CDH18: variants seen among roughly 807,000 people sequenced by gnomAD.
CDH18 encodes the protein cadherin-18.
CDH18 carries 31 observed loss-of-function variants against 67.9 expected under a neutral mutation model. That is an observed-to-expected ratio of 0.46 (90% CI 0.34 to 0.62). The LOEUF is 0.62. CDH18 is among the 20% of genes least tolerant of loss of function. CDH18 has a pLI of 0.01. For synonymous variants in CDH18, 362 were observed against 347.2 expected, an observed-to-expected ratio of 1.04 and a Z score of -0.48; for missense variants, 890 against 975.5, an observed-to-expected ratio of 0.91 and a Z score of 1.17.
At chr5:20,202,262 A>T (rs1440159473) in intron 2 of CDH18, among the ~76,000 whole-genome samples, 1 of 152,112 alleles carries the variant, frequency 6.6e-6, no homozygotes, top group East Asian at 1.9e-4. Flanking sequence ...TTACTTTTAG[A>T]TTATTTAGAA....
intron 4 of CDH18, among the ~76,000 whole-genome samples, chr5:19,739,876 T>C (rs1768871647): frequency 6.6e-6 from 1 of 152,062 alleles, no homozygotes; most frequent in Non-Finnish European, 1.5e-5. Context: ...AAATCAGCGC[T>C]CCAACAAGAA....
At chr5:19,609,321 C>T (rs1161469488) in intron 6 of CDH18, among the ~76,000 whole-genome samples, 1 of 151,876 alleles carries the variant, frequency 6.6e-6, no homozygotes, top group Non-Finnish European at 1.5e-5. Flanking sequence ...CCTTTTCCAA[C>T]ACCATGTAGC....
At chr5:20,503,044 T>C (rs1320094822) in intron 1 of CDH18, among the ~76,000 whole-genome samples, 2 of 152,194 alleles carry the variant, frequency 1.3e-5, no homozygotes, top group Non-Finnish European at 2.9e-5. Context: ...GAAAGCCAAT[T>C]AGGGAACTCC....
At chr5:19,568,204 T>C (rs1172064138) in intron 8 of CDH18, among the ~76,000 whole-genome samples, 1 of 152,086 alleles carries the variant, frequency 6.6e-6, no homozygotes, top group Non-Finnish European at 1.5e-5. Flanking sequence ...TAGATGCCAG[T>C]AACACCCTAC....
In CDH18 at chr5:20,493,356, T is replaced by TAAAAAAAAAAAAAA. The variant is rs148292031; in HGVS notation, c.-580+82092_-580+82105dup. Among the ~76,000 whole-genome samples the TAAAAAAAAAAAAAA allele has an allele frequency of 4.1e-3, 194 of 47,206 alleles. 3 individuals are homozygous for TAAAAAAAAAAAAAA. Among genetic ancestry groups the TAAAAAAAAAAAAAA allele is most frequent in the East Asian group, 5.1e-3 (5 of 978 alleles). 31.0% of individuals were successfully genotyped at this position (47,206 alleles called of 152,430 possible). On this transcript the variant is annotated intron_variant, in intron 1 of 14. Transcript: ENST00000507958. ...AGGGCAAGACTCTGTTTCAGAAAAT[T>TAAAAAAAAAAAAAA]AAAAAAAAAAAAAAAAAAAAAAAAA...
chr5:20,364,134 A>T (rs1026719746), intron 1 of CDH18, among the ~76,000 whole-genome samples: 2 of 152,262 alleles, frequency 1.3e-5, no homozygotes, highest in Non-Finnish European at 2.9e-5. Context: ...ATTTCCTGAA[A>T]GAAATTAATA....
Position 19,477,144 on chromosome 5 carries a change from T to A in CDH18, c.1883-3428A>T, listed in dbSNP as rs183632937. Among the ~76,000 whole-genome samples, 1,232 of 147,234 alleles carry A rather than the reference T, an allele frequency of 8.4e-3. 17 individuals carry two copies. The highest frequency in any genetic ancestry group is 0.029 in the African/African-American group (1,170 of 40,398). ...AATAAAAGGAGATATATATATATAT[T>A]TATATATATATATGTATAAAATCAA... On this transcript the variant is annotated intron_variant, in intron 12 of 12. Transcript: ENST00000382275.
At chr5:19,942,513 T>C (rs944187195) in intron 2 of CDH18, among the ~76,000 whole-genome samples, 1 of 152,208 alleles carries the variant, frequency 6.6e-6, no homozygotes, top group African/African-American at 2.4e-5. Flanking sequence ...ACGGAAAATA[T>C]GTCCATTCTA....
chr5:20,059,974 G>A (rs6878387), intron 2 of CDH18, among the ~76,000 whole-genome samples: 43,630 of 150,710 alleles, frequency 0.29, 7,725 homozygotes, highest in Non-Finnish European at 0.38. Context: ...GGGGCTTGTC[G>A]GGGGCTGGGG....
chr5:20,273,577 G>A (rs1283968318), intron 1 of CDH18, among the ~76,000 whole-genome samples: 2 of 152,032 alleles, frequency 1.3e-5, no homozygotes, highest in Admixed American at 6.6e-5. Context: ...TTCAGGTTTA[G>A]TGTGGCATCT....
intron 3 of CDH18, among the ~76,000 whole-genome samples, chr5:19,766,515 A>T (rs1384835281): frequency 1.3e-5 from 2 of 152,112 alleles, no homozygotes; most frequent in East Asian, 3.9e-4. Context: ...GTTCCTGTTC[A>T]TCTCTCCATC....
intron 1 of CDH18, among the ~76,000 whole-genome samples, chr5:20,558,259 T>C (rs1049207383): frequency 6.6e-6 from 1 of 152,036 alleles, no homozygotes; most frequent in Admixed American, 6.6e-5. Flanking sequence ...AAAATAACAA[T>C]AACACACAAA....
At chr5:20,522,108 TCAG>T (rs1755778769) in intron 1 of CDH18, among the ~76,000 whole-genome samples, 1 of 151,928 alleles carries the variant, frequency 6.6e-6, no homozygotes, top group Non-Finnish European at 1.5e-5. Context: ...GAGAAAGACG[TCAG>T]AAACAAATAC....
intron 3 of CDH18, among the ~76,000 whole-genome samples, chr5:19,747,810 A>G (rs1340586105): frequency 6.6e-6 from 1 of 151,862 alleles, no homozygotes; most frequent in African/African-American, 2.4e-5. Context: ...TAGAATATTA[A>G]AAAATAGAGT....
chr5:19,710,273 A>G (rs1028149640), intron 5 of CDH18, among the ~76,000 whole-genome samples: 2 of 152,212 alleles, frequency 1.3e-5, no homozygotes, highest in African/African-American at 4.8e-5. Context: ...GAGCATTAAT[A>G]TTAGAAATGG....
intron 5 of CDH18, among the ~76,000 whole-genome samples, chr5:19,632,072 A>G (rs1292958652): frequency 6.6e-6 from 1 of 152,206 alleles, no homozygotes; most frequent in Non-Finnish European, 1.5e-5. Flanking sequence ...GTGACATTAC[A>G]TTAGTCAGTT....
intron 1 of CDH18, among the ~76,000 whole-genome samples, chr5:20,501,591 A>AT (rs1258864618): frequency 3.4e-4 from 5 of 14,748 alleles, no homozygotes; most frequent in South Asian, 1.7e-3. Flanking sequence ...TTATATATAT[A>AT]TATTATATAT....
chr5:19,496,011 T>A (rs2126706355), intron 11 of CDH18, among the ~76,000 whole-genome samples: 2 of 152,298 alleles, frequency 1.3e-5, no homozygotes, highest in Middle Eastern at 3.4e-3. Context: ...TAAAGACATT[T>A]GTTACATTCA....
At chr5:20,391,322 C>T (rs1373502441) in intron 1 of CDH18, among the ~76,000 whole-genome samples, 2 of 151,788 alleles carry the variant, frequency 1.3e-5, no homozygotes, top group Admixed American at 6.6e-5. Context: ...ATAAATCCTG[C>T]ATCAGTAGAC....
Sources: gnomAD v4.1 joint callset for allele counts (sites outside exome capture counted in the v4.1 genomes callset) on GRCh38, gnomAD v4.1.1 for gene constraint, MANE v1.5 for transcripts, NCBI Gene and HGNC (gene_info 2026-07-23, HGNC 2026-07-21) for gene names.